The following ANKS1B variants were observed in gnomAD, a reference collection of about 807,000 sequenced individuals.
ANKS1B encodes the protein ankyrin repeat and sterile alpha motif domain containing 1B.
ANKS1B carries 36 observed loss-of-function variants against 148.3 expected under a neutral mutation model. The observed-to-expected ratio is 0.24, with a 90% CI of 0.19 to 0.32. The LOEUF is 0.32. Among genes scored for constraint, ANKS1B ranks in the 10% least tolerant of loss-of-function variants. ANKS1B has a pLI of 1.00. For synonymous variants in ANKS1B, 542 were observed against 560.8 expected (o/e 0.97, Z 0.47); for missense variants, 1,157 against 1,542.6 (o/e 0.75, Z 4.19).
chr12:99,674,466 T>C (rs893731736), intron 8 of ANKS1B, among the ~76,000 whole-genome samples: 1 of 151,728 alleles, frequency 6.6e-6, no homozygotes, highest in African/African-American at 2.4e-5. Context: ...GCTAAGGAAA[T>C]GTATGACAAA....
intron 15 of ANKS1B, among the ~76,000 whole-genome samples, chr12:99,143,753 G>T (rs985295544): frequency 2.0e-5 from 3 of 151,972 alleles, no homozygotes; most frequent in African/African-American, 7.3e-5. Context: ...AGTCTAGACT[G>T]CTTAATATCT....
At chr12:99,923,706 C>T (rs574136489) in intron 1 of ANKS1B, among the ~76,000 whole-genome samples, 1 of 152,148 alleles carries the variant, frequency 6.6e-6, no homozygotes, top group African/African-American at 2.4e-5. Context: ...TCCCTCTATC[C>T]CCCTAGTAGA....
intron 8 of ANKS1B, among the ~76,000 whole-genome samples, chr12:99,659,279 G>C (rs1421778287): frequency 6.6e-6 from 1 of 152,060 alleles, no homozygotes; most frequent in Non-Finnish European, 1.5e-5. Context: ...AATTATATAT[G>C]GGAAGAAGCC....
chr12:99,144,816 A>G (rs989049100), intron 15 of ANKS1B, among the ~76,000 whole-genome samples: 1 of 151,992 alleles, frequency 6.6e-6, no homozygotes, highest in South Asian at 2.1e-4. Context: ...TTGAAACACA[A>G]GGAGAAGGTG....
chr12:98,900,262 C>T (rs1475302665), intron 17 of ANKS1B, among the ~76,000 whole-genome samples: 1 of 152,128 alleles, frequency 6.6e-6, no homozygotes, highest in Admixed American at 6.5e-5. Context: ...CCTTGAGATT[C>T]TTGGAGGAAG....
intron 17 of ANKS1B, among the ~76,000 whole-genome samples, chr12:98,838,986 A>G (rs1050577738): frequency 6.6e-6 from 1 of 152,218 alleles, no homozygotes; most frequent in Non-Finnish European, 1.5e-5. Flanking sequence ...AATTCCTGCA[A>G]TCTTAGAAAT....
chr12:98,927,511 T>C (rs1192717690), intron 17 of ANKS1B, among the ~76,000 whole-genome samples: 1 of 152,064 alleles, frequency 6.6e-6, no homozygotes, highest in Non-Finnish European at 1.5e-5. Flanking sequence ...TGCAAAGCAA[T>C]GATGACAAGC....
chr12:99,891,775 T>C (rs890574548), intron 1 of ANKS1B, among the ~76,000 whole-genome samples: 1 of 152,230 alleles, frequency 6.6e-6, no homozygotes, highest in Admixed American at 6.5e-5. Context: ...GGTTTGATAA[T>C]GCTATTGCAG....
intron 12 of ANKS1B, among the ~76,000 whole-genome samples, chr12:99,369,533 T>C (rs1443920777): frequency 1.3e-5 from 2 of 152,118 alleles, no homozygotes; most frequent in Non-Finnish European, 2.9e-5. Context: ...ATAAATTAGA[T>C]AGACAGATGC....
At chr12:99,606,353 G>T (rs949564447) in intron 9 of ANKS1B, among the ~76,000 whole-genome samples, 96 of 151,812 alleles carry the variant, frequency 6.3e-4, no homozygotes, top group African/African-American at 2.2e-3. Flanking sequence ...TCCTCACAAA[G>T]AGTTGTTTCC....
chr12:99,289,263 T>C (rs1449463605), intron 12 of ANKS1B, among the ~76,000 whole-genome samples: 2 of 152,024 alleles, frequency 1.3e-5, no homozygotes, highest in African/African-American at 4.8e-5. Flanking sequence ...GGATCAGATA[T>C]GTAAAGCAAA....
rs73145405 is a variant in ANKS1B, at chr12:99,749,478, T to G, written c.1128+23444A>C. On this transcript the variant is annotated intron_variant, in intron 8 of 26. Coordinates refer to ENST00000683438, the MANE Select transcript of ANKS1B (RefSeq NM_001352186.2). ...TACTAGGATCCATAAAAGCCTAGAT[T>G]TTTCATTTATATGCGCTAACACATT... 2.0e-5 allele frequency among the ~76,000 whole-genome samples: 3 copies of G among 151,880 alleles called. No individual in the cohort carries two copies. In the South Asian group the frequency reaches 6.2e-4, roughly 31 times the overall value.
chr12:99,030,194 C>T (rs2099951164), intron 17 of ANKS1B, among the ~76,000 whole-genome samples: 2 of 152,234 alleles, frequency 1.3e-5, no homozygotes, highest in African/African-American at 4.8e-5. Flanking sequence ...TGGCTGCAGT[C>T]CCTGTGCAGG....
At chr12:99,877,512 G>C (rs1180546023) in intron 1 of ANKS1B, among the ~76,000 whole-genome samples, 1 of 152,170 alleles carries the variant, frequency 6.6e-6, no homozygotes, top group Non-Finnish European at 1.5e-5. Context: ...ATCTCACTTT[G>C]ATAGAACCCA....
At chr12:99,958,666 T>C (rs1195304327) in intron 1 of ANKS1B, among the ~76,000 whole-genome samples, 7 of 152,188 alleles carry the variant, frequency 4.6e-5, no homozygotes. Context: ...ATTACAGATG[T>C]AAGCCACTGT....
intron 18 of ANKS1B, among the ~76,000 whole-genome samples, chr12:98,830,238 A>G (rs1324636723): frequency 6.6e-6 from 1 of 152,146 alleles, no homozygotes; most frequent in Non-Finnish European, 1.5e-5. Context: ...AGCAAAATGA[A>G]GGCAAAACAA....
chr12:99,209,199 G>C (rs951913218), intron 14 of ANKS1B, among the ~76,000 whole-genome samples: 8 of 152,086 alleles, frequency 5.3e-5, no homozygotes, highest in Non-Finnish European at 8.8e-5. Flanking sequence ...CTTATTAAAG[G>C]TTCCAGCAAA....
intron 17 of ANKS1B, among the ~76,000 whole-genome samples, chr12:98,946,458 T>C (rs1435576722): frequency 2.0e-5 from 3 of 152,224 alleles, no homozygotes; most frequent in African/African-American, 7.2e-5. Context: ...GGCACTGCTT[T>C]AAGCAATGTG....
At chr12:99,510,598 G>A (rs187701705) in intron 9 of ANKS1B, among the ~76,000 whole-genome samples, 270 of 152,054 alleles carry the variant, frequency 1.8e-3, no homozygotes, top group South Asian at 0.011. Flanking sequence ...TCTTACAGGC[G>A]AACAAAGTGG....
Sources: allele counts gnomAD v4.1 joint callset (sites outside exome capture counted in the v4.1 genomes callset), GRCh38; gene constraint gnomAD v4.1.1; transcripts MANE v1.5; gene names NCBI Gene and HGNC (gene_info 2026-07-23, HGNC 2026-07-21).